The following ME3 variants were observed in gnomAD, a reference collection of about 807,000 sequenced individuals.
ME3 encodes the protein malic enzyme 3, also known as NADP-dependent malic enzyme, mitochondrial.
Under a neutral mutation model 68.9 loss-of-function variants are expected in ME3, and 48 were observed. The observed-to-expected ratio is 0.70, with a 90% CI of 0.55 to 0.89. The LOEUF (loss-of-function observed/expected upper bound fraction) is 0.89. Among genes scored for constraint, ME3 ranks in the 40% least tolerant of loss-of-function variants. The probability of loss-of-function intolerance (pLI) is 0.00; values close to 1 mark genes in which losing one functional copy is unlikely to be tolerated. For missense variants in ME3, 675 were observed against 797.4 expected, an observed-to-expected ratio of 0.85 and a Z score of 1.85; for synonymous variants, 320 against 318.8, an observed-to-expected ratio of 1.00 and a Z score of -0.04.
intron 4 of ME3, among the ~76,000 whole-genome samples, chr11:86,522,725 G>A (rs1045729191): frequency 6.6e-6 from 1 of 152,000 alleles, no homozygotes; most frequent in Admixed American, 6.6e-5. Flanking sequence ...CTTTTTTATG[G>A]CTGCATAGTA....
chr11:86,574,403 G>A (rs113253127), intron 2 of ME3, among the ~76,000 whole-genome samples: 9 of 134,844 alleles, frequency 6.7e-5, no homozygotes, highest in Admixed American at 2.1e-4. Context: ...TTGCCGGGGG[G>A]GGGGGGGGTG....
chr11:86,568,983 C>T (rs370319614), intron 2 of ME3, among the ~76,000 whole-genome samples: 14 of 152,200 alleles, frequency 9.2e-5, no homozygotes, highest in Non-Finnish European at 1.9e-4. Context: ...AGCTGCTTCT[C>T]CCACTTATTA....
intron 7 of ME3, among the ~76,000 whole-genome samples, chr11:86,481,200 C>T (rs1417524184): frequency 7.0e-6 from 1 of 143,290 alleles, no homozygotes; most frequent in Non-Finnish European, 1.5e-5. Context: ...TGCCACCACA[C>T]CCAGCTGATT....
chr11:86,451,892 G>A (rs1949651636), intron 8 of ME3, among the ~76,000 whole-genome samples: 1 of 152,192 alleles, frequency 6.6e-6, no homozygotes, highest in East Asian at 1.9e-4. Flanking sequence ...GTCTTAACAT[G>A]TACTCAACCA....
chr11:86,648,909 A>C (rs1945215022), intron 2 of ME3, among the ~76,000 whole-genome samples: 1 of 152,202 alleles, frequency 6.6e-6, no homozygotes, highest in South Asian at 2.1e-4. Flanking sequence ...AGCTGGTACC[A>C]TTCCTTCTAA....
At chr11:86,497,182 C>T (rs1380377641) in intron 6 of ME3, among the ~76,000 whole-genome samples, 1 of 152,134 alleles carries the variant, frequency 6.6e-6, no homozygotes, top group Non-Finnish European at 1.5e-5. Context: ...TGGGATTTCA[C>T]CATGTTGGTC....
intron 2 of ME3, among the ~76,000 whole-genome samples, chr11:86,651,051 G>A (rs1945381553): frequency 6.6e-6 from 1 of 152,198 alleles, no homozygotes; most frequent in Non-Finnish European, 1.5e-5. Flanking sequence ...TGGGGGAGGG[G>A]CACCCGCCAT....
intron 2 of ME3, among the ~76,000 whole-genome samples, chr11:86,590,291 C>T (rs973574900): frequency 4.6e-5 from 7 of 152,112 alleles, no homozygotes; most frequent in African/African-American, 1.7e-4. Context: ...ACTGAAGATA[C>T]GGACATGAGA....
At chr11:86,671,807 C>T in exon 2 of ME3, 3 of 1,603,282 alleles carry the variant, frequency 1.9e-6, no homozygotes, top group East Asian at 2.3e-5. Flanking sequence ...CGCGCTTCTT[C>T]AGGGGCACAG....
intron 2 of ME3, among the ~76,000 whole-genome samples, chr11:86,603,594 G>A (rs1023152654): frequency 6.8e-4 from 104 of 152,044 alleles, no homozygotes; most frequent in African/African-American, 2.3e-3. Flanking sequence ...CCCATTACTG[G>A]GTATATACCC....
chr11:86,527,810 G>A lies in ME3; in HGVS notation c.468-18943C>T, dbSNP rs550406229. Among the ~76,000 whole-genome samples the A allele has an allele frequency of 3.3e-5, 5 of 152,208 alleles. No individual in the cohort carries two copies. In the East Asian group the frequency reaches 5.8e-4, roughly 18 times the overall value. On this transcript the variant is annotated intron_variant, in intron 4 of 14. Transcript: ENST00000543262. Reference sequence around the variant, plus strand: ...CTTCATAGACAAGCAAATGCTGAGAGATTTTGTCACCACCAGGCCTGCCCT... The same window carrying A: ...CTTCATAGACAAGCAAATGCTGAGAAATTTTGTCACCACCAGGCCTGCCCT...
At chr11:86,510,237 C>G (rs1031355588) in intron 4 of ME3, among the ~76,000 whole-genome samples, 1 of 152,170 alleles carries the variant, frequency 6.6e-6, no homozygotes, top group Non-Finnish European at 1.5e-5. Flanking sequence ...CTACCAATGA[C>G]CTTCACATTC....
At chr11:86,444,884 G>C (rs1333162673) in intron 13 of ME3, among the ~76,000 whole-genome samples, 1 of 152,160 alleles carries the variant, frequency 6.6e-6, no homozygotes, top group Non-Finnish European at 1.5e-5. Context: ...AGCTCCTATA[G>C]GGGAGGGACC....
At chr11:86,543,302 C>T (rs1180491382) in intron 4 of ME3, among the ~76,000 whole-genome samples, 6 of 152,178 alleles carry the variant, frequency 3.9e-5, no homozygotes, top group South Asian at 4.1e-4. Context: ...TCACACATAA[C>T]CATATTAATC....
intron 5 of ME3, among the ~76,000 whole-genome samples, chr11:86,506,809 G>A (rs934078240): frequency 3.4e-4 from 52 of 152,346 alleles, no homozygotes; most frequent in African/African-American, 1.2e-3. Flanking sequence ...CAGGACCCCA[G>A]CAGCATATCC....
At chr11:86,616,467 T>A (rs750904443) in intron 2 of ME3, among the ~76,000 whole-genome samples, 6 of 152,212 alleles carry the variant, frequency 3.9e-5, no homozygotes, top group Non-Finnish European at 8.8e-5. Flanking sequence ...TTAAATGAAC[T>A]ATTTTTTTTC....
At chr11:86,516,016 C>G (rs971307854) in intron 4 of ME3, among the ~76,000 whole-genome samples, 11 of 152,220 alleles carry the variant, frequency 7.2e-5, no homozygotes, top group Admixed American at 3.3e-4. Flanking sequence ...GAACACTCAT[C>G]AAGGCTAATG....
At chr11:86,589,423 A>G (rs1329909905) in intron 2 of ME3, among the ~76,000 whole-genome samples, 1 of 152,192 alleles carries the variant, frequency 6.6e-6, no homozygotes, top group African/African-American at 2.4e-5. Context: ...AATGAATATC[A>G]GTCCCCAACT....
chr11:86,498,270 G>T (rs1194577017), intron 5 of ME3, 146 bp from the exon 6 acceptor site: 2 of 954,176 alleles, frequency 2.1e-6, no homozygotes, highest in Non-Finnish European at 3.0e-6. Context: ...TAAGGCCGGA[G>T]CATTTATTCA....
Sources: allele counts gnomAD v4.1 joint callset (sites outside exome capture counted in the v4.1 genomes callset), GRCh38; gene constraint gnomAD v4.1.1; transcripts MANE v1.5; gene names NCBI Gene and HGNC (gene_info 2026-07-23, HGNC 2026-07-21).